Variants in CA5A observed in about 807,000 individuals in gnomAD.
The protein encoded by CA5A is carbonic anhydrase 5A, mitochondrial.
CA5A carries 28 observed loss-of-function variants against 37.1 expected under a neutral mutation model. The ratio of observed to expected loss-of-function variants is 0.75; its 90% CI spans 0.56 to 1.03. CA5A has a LOEUF of 1.03. CA5A is among the 50% of genes least tolerant of loss of function. The probability of loss-of-function intolerance (pLI) is 0.00; values close to 1 mark genes in which losing one functional copy is unlikely to be tolerated. For synonymous variants in CA5A, 171 were observed against 158.4 expected (o/e 1.08, Z -0.60); for missense variants, 444 against 399.9 (o/e 1.11, Z -0.94).
chr16:87,935,500 C>A (rs1050797963), intron 1 of CA5A, among the ~76,000 whole-genome samples: 2 of 152,214 alleles, frequency 1.3e-5, no homozygotes, highest in African/African-American at 4.8e-5. Context: ...CACGGACTAC[C>A]CGCCTGCTCC....
At chr16:87,926,047 A>T (rs868351586) in intron 2 of CA5A, among the ~76,000 whole-genome samples, 30 of 152,266 alleles carry the variant, frequency 2.0e-4, no homozygotes, top group African/African-American at 7.0e-4. Flanking sequence ...ACATGGCGAC[A>T]TCCCATTTCT....
intron 2 of CA5A, among the ~76,000 whole-genome samples, chr16:87,920,010 C>A (rs1322255207): frequency 6.6e-6 from 1 of 152,204 alleles, no homozygotes; most frequent in Non-Finnish European, 1.5e-5. Flanking sequence ...TACCAGCATT[C>A]CCCATCCATG....
chr16:87,923,891 C>T lies in CA5A; in HGVS notation c.340+2857G>A, dbSNP rs903818450. 4.1e-6 allele frequency: 4 copies of T among 984,674 alleles called. No individual in the cohort carries two copies. The African/African-American group carries it at 7.0e-5, about 17-fold the overall frequency. The allele number at this position is 984,674 out of a possible 1,614,324, so 61.0% of individuals were successfully genotyped here. ...ACTAATACATTCACACAAATATTAA[C>T]CCAAACAATTAAAAGTTCAGGAACT... On this transcript the variant is annotated intron_variant, in intron 2 of 6. Transcript: ENST00000649794.
At chr16:87,897,058 G>C (rs1245422838) in intron 5 of CA5A, among the ~76,000 whole-genome samples, 1 of 152,266 alleles carries the variant, frequency 6.6e-6, no homozygotes, top group Non-Finnish European at 1.5e-5. Context: ...GTGTACGACA[G>C]GCAGTGTGGT....
chr16:87,929,672 A>G (rs1266806150), intron 1 of CA5A, among the ~76,000 whole-genome samples: 2 of 151,596 alleles, frequency 1.3e-5, no homozygotes, highest in Non-Finnish European at 1.5e-5. Flanking sequence ...GGAGATCGAG[A>G]CCATCCTGGC....
intron 2 of CA5A, chr16:87,924,055 T>C (rs966569684): frequency 1.6e-4 from 155 of 985,324 alleles, no homozygotes; most frequent in South Asian, 3.3e-4. Context: ...AGAAAAACCA[T>C]TGGCAACTGA....
chr16:87,923,507 G>A (rs1413257861), intron 2 of CA5A: 1 of 979,322 alleles, frequency 1.0e-6, no homozygotes, highest in African/African-American at 1.8e-5. Flanking sequence ...TTTTAAAGGG[G>A]GTCTGTCCAC....
At chr16:87,906,329 G>A (rs149871210) in intron 2 of CA5A, among the ~76,000 whole-genome samples, 2,037 of 152,182 alleles carry the variant, frequency 0.013, 17 homozygotes, top group Non-Finnish European at 0.02. Context: ...GTGGTTTCCC[G>A]ACACCAGAAG....
At position 87,926,221 on chromosome 16, in the gene CA5A, T is replaced by TATAAAATAAAATAAA. The variant is rs111594497; in HGVS notation, c.340+512_340+526dup. Reference sequence around the variant, plus strand: ...ATGACAGAGCAAGACTCTGTCTCAATATAAAATAAAATAAAATAAAATAAA... The same window carrying TATAAAATAAAATAAA: ...ATGACAGAGCAAGACTCTGTCTCAATATAAAATAAAATAAAATAAAATAAAATAAAATAAAATAAA... On this transcript the variant is annotated intron_variant, in intron 2 of 6. Coordinates refer to ENST00000649794, the MANE Select transcript of CA5A (RefSeq NM_001739.2). Among the ~76,000 whole-genome samples, 599 of 150,598 alleles carry TATAAAATAAAATAAA rather than the reference T, an allele frequency of 4.0e-3. 5 individuals carry two copies. The highest frequency in any genetic ancestry group is 0.028 in the South Asian group (130 of 4,694).
chr16:87,909,664 G>A (rs887779344), intron 2 of CA5A, among the ~76,000 whole-genome samples: 2 of 152,208 alleles, frequency 1.3e-5, no homozygotes, highest in Non-Finnish European at 2.9e-5. Context: ...TTCAGCATCA[G>A]TCTAGTGTGG....
At chr16:87,895,811 C>A (rs1263850788) in intron 5 of CA5A, among the ~76,000 whole-genome samples, 1 of 152,106 alleles carries the variant, frequency 6.6e-6, no homozygotes, top group African/African-American at 2.4e-5. Context: ...GCTTTTGAGG[C>A]TCACCCACAC....
chr16:87,915,521 T>C (rs961206053), intron 2 of CA5A, among the ~76,000 whole-genome samples: 3 of 127,884 alleles, frequency 2.3e-5, no homozygotes, highest in African/African-American at 8.6e-5. Flanking sequence ...AGATCCTGTG[T>C]CAAAATTTTT....
chr16:87,902,241 C>G (rs563709980), intron 4 of CA5A, among the ~76,000 whole-genome samples, 184 bp downstream of exon 4: 2 of 152,032 alleles, frequency 1.3e-5, no homozygotes, highest in East Asian at 3.9e-4. Flanking sequence ...ATAGTCCCAG[C>G]TACTGGGGAG....
intron 2 of CA5A, among the ~76,000 whole-genome samples, chr16:87,907,398 G>A (rs1403597047): frequency 1.3e-5 from 2 of 152,244 alleles, no homozygotes; most frequent in East Asian, 1.9e-4. Flanking sequence ...GCATTGATGG[G>A]TGACTGAGGG....
At chr16:87,893,065 C>G (rs1309352962) in intron 5 of CA5A, 23 of 1,038,580 alleles carry the variant, frequency 2.2e-5, no homozygotes, top group Non-Finnish European at 3.1e-5. Context: ...GCCATGCAGT[C>G]TCTCAAGCCC....
At chr16:87,908,393 C>T (rs1411077634) in intron 2 of CA5A, among the ~76,000 whole-genome samples, 6 of 152,170 alleles carry the variant, frequency 3.9e-5, no homozygotes, top group South Asian at 4.1e-4. Flanking sequence ...GATTGCGCAT[C>T]GCACACCCTT....
intron 2 of CA5A, among the ~76,000 whole-genome samples, chr16:87,905,288 T>A (rs1597558696): frequency 6.6e-6 from 1 of 152,348 alleles, no homozygotes; most frequent in African/African-American, 2.4e-5. Context: ...AAATATTTTT[T>A]AAAAGCAGCT....
At chr16:87,932,149 C>T (rs972390126) in intron 1 of CA5A, among the ~76,000 whole-genome samples, 1 of 152,092 alleles carries the variant, frequency 6.6e-6, no homozygotes, top group Admixed American at 6.6e-5. Context: ...CCTCACAAAT[C>T]TCCCTTGCAT....
At chr16:87,922,320 C>T (rs182185226) in intron 2 of CA5A, among the ~76,000 whole-genome samples, 181 of 152,232 alleles carry the variant, frequency 1.2e-3, no homozygotes, top group Non-Finnish European at 1.5e-3. Context: ...GGAGGGTGTG[C>T]CACACAGACA....
Sources: allele counts gnomAD v4.1 joint callset (sites outside exome capture counted in the v4.1 genomes callset), GRCh38; gene constraint gnomAD v4.1.1; transcripts MANE v1.5; gene names NCBI Gene and HGNC (gene_info 2026-07-23, HGNC 2026-07-21).